The following FBXW11 variants were observed in gnomAD, a reference collection of about 807,000 sequenced individuals.
FBXW11 encodes the protein F-box and WD repeat domain containing 11.
FBXW11 carries 19 observed loss-of-function variants against 77.6 expected under a neutral mutation model. The ratio of observed to expected loss-of-function variants is 0.24; its 90% CI spans 0.17 to 0.36. The LOEUF is 0.36. FBXW11 is among the 10% of genes least tolerant of loss of function. The probability of loss-of-function intolerance (pLI) is 1.00; values close to 1 mark genes in which losing one functional copy is unlikely to be tolerated. For synonymous variants in FBXW11, 235 were observed against 249.4 expected (o/e 0.94, Z 0.54); for missense variants, 334 against 704.2 (o/e 0.47, Z 5.95).
chr5:171,944,164 A>G (rs1219261244), intron 2 of FBXW11, among the ~76,000 whole-genome samples: 3 of 152,170 alleles, frequency 2.0e-5, no homozygotes, highest in Non-Finnish European at 4.4e-5. Flanking sequence ...GAATACATTA[A>G]TACACTCATT....
chr5:171,884,108 T>C (rs1758718679), intron 7 of FBXW11, among the ~76,000 whole-genome samples: 1 of 152,230 alleles, frequency 6.6e-6, no homozygotes, highest in Admixed American at 6.5e-5. Flanking sequence ...ATGAAATCCT[T>C]GCCTAAGCCA....
At chr5:171,891,742 T>A in intron 6 of FBXW11, 138 bp from the exon 7 acceptor site, 1 of 750,848 alleles carries the variant, frequency 1.3e-6, no homozygotes, top group South Asian at 2.5e-5. Flanking sequence ...GTGGATAGGA[T>A]CATGCTCTTT....
chr5:171,919,698 A>T (rs970244844), intron 2 of FBXW11, among the ~76,000 whole-genome samples: 14 of 152,232 alleles, frequency 9.2e-5, no homozygotes, highest in African/African-American at 2.7e-4. Flanking sequence ...CATAGCTCAG[A>T]AATGTTACAC....
chr5:171,978,418 C>T (rs147619988), intron 1 of FBXW11, among the ~76,000 whole-genome samples: 304 of 152,184 alleles, frequency 2.0e-3, no homozygotes, highest in African/African-American at 3.3e-3. Flanking sequence ...AAAAACTGGA[C>T]GAGAAATAGG....
At chr5:171,925,949 T>C (rs1430967249) in intron 2 of FBXW11, among the ~76,000 whole-genome samples, 1 of 152,204 alleles carries the variant, frequency 6.6e-6, no homozygotes, top group Non-Finnish European at 1.5e-5. Context: ...GCCTAAACTA[T>C]TTTAAGTGGG....
chr5:171,896,015 C>T (rs1759718277), intron 6 of FBXW11, among the ~76,000 whole-genome samples: 2 of 152,192 alleles, frequency 1.3e-5, no homozygotes. Context: ...TCCCCAGACT[C>T]CATTTCTCAC....
intron 1 of FBXW11, among the ~76,000 whole-genome samples, chr5:171,966,127 T>G (rs941388919): frequency 1.3e-5 from 2 of 152,204 alleles, no homozygotes; most frequent in Non-Finnish European, 2.9e-5. Context: ...CTTTATGAAT[T>G]ACCCAGTCTC....
At chr5:171,979,871 C>T (rs2113482420) in intron 1 of FBXW11, among the ~76,000 whole-genome samples, 1 of 152,288 alleles carries the variant, frequency 6.6e-6, no homozygotes, top group Admixed American at 6.5e-5. Context: ...GACATGTCCA[C>T]CCTACTGCCG....
In FBXW11 at chr5:171,878,409, T is replaced by A. The variant is rs543726664; in HGVS notation, c.853-280A>T. On this transcript the variant is annotated intron_variant, in intron 7 of 13. Transcript: ENST00000517395. ...TAAAGGGGACTTCTTAAAAATAAAA[T>A]CTGTGAAAAGAATTCGCTCACTGAC... 3.3e-5 allele frequency among the ~76,000 whole-genome samples: 5 copies of A among 152,260 alleles called. No homozygotes were observed. The East Asian group carries it at 9.7e-4, about 29-fold the overall frequency.
At chr5:171,998,879 T>C (rs927931468) in intron 1 of FBXW11, among the ~76,000 whole-genome samples, 3 of 151,938 alleles carry the variant, frequency 2.0e-5, no homozygotes, top group Admixed American at 1.3e-4. Flanking sequence ...GCAAAGATTG[T>C]AACTGTGACA....
chr5:171,906,554 G>A (rs1190586047), intron 4 of FBXW11, among the ~76,000 whole-genome samples: 1 of 152,152 alleles, frequency 6.6e-6, no homozygotes, highest in Admixed American at 6.5e-5. Context: ...TGGAGAAGCA[G>A]GTGTTTCCTG....
intron 1 of FBXW11, among the ~76,000 whole-genome samples, chr5:171,963,967 G>A (rs1175214342): frequency 6.6e-6 from 1 of 152,114 alleles, no homozygotes; most frequent in East Asian, 1.9e-4. Context: ...CTTTAAGTGA[G>A]ACATCCAAAA....
intron 2 of FBXW11, among the ~76,000 whole-genome samples, chr5:171,920,514 C>T (rs1446922722): frequency 3.3e-5 from 5 of 151,272 alleles, no homozygotes; most frequent in Admixed American, 3.3e-4. Flanking sequence ...CTGCCTGAGG[C>T]GAGGAGTTTG....
At chr5:171,878,603 A>AGAGTGTGTGTGTGTGTGTGT (rs138423567) in intron 7 of FBXW11, among the ~76,000 whole-genome samples, 1 of 128,474 alleles carries the variant, frequency 7.8e-6, no homozygotes, top group Non-Finnish European at 1.6e-5. Flanking sequence ...AGAGAGAGAG[A>AGAGTGTGTGTGTGTGTGTGT]GTGTGTGTGT....
At chr5:171,964,947 A>C (rs1258080601) in intron 1 of FBXW11, among the ~76,000 whole-genome samples, 5 of 152,232 alleles carry the variant, frequency 3.3e-5, no homozygotes, top group African/African-American at 4.8e-5. Flanking sequence ...TTCTAGAATT[A>C]TGTTCTTGTC....
At chr5:171,884,625 G>A (rs1404991426) in intron 7 of FBXW11, among the ~76,000 whole-genome samples, 3 of 152,138 alleles carry the variant, frequency 2.0e-5, no homozygotes, top group Non-Finnish European at 4.4e-5. Flanking sequence ...GTATTAGGTC[G>A]TATTTTGACA....
rs937891396 is a variant in FBXW11 at position 171,972,895 on chromosome 5, T to C, written c.46-15197A>G. ...TTAGTGCCATGAAATGTGTCATCAT[T>C]GACTTTGGCAAACTAACAACCACCT... On this transcript the variant is annotated intron_variant, in intron 1 of 13. Transcript: ENST00000517395. 2.0e-5 allele frequency among the ~76,000 whole-genome samples: 3 copies of C among 152,348 alleles called. No homozygotes were observed. In the East Asian group the frequency reaches 5.8e-4, roughly 29 times the overall value.
chr5:171,900,264 T>C (rs946993595), intron 4 of FBXW11, among the ~76,000 whole-genome samples, 164 bp from the exon 5 acceptor site: 2 of 152,214 alleles, frequency 1.3e-5, no homozygotes, highest in South Asian at 2.1e-4. Context: ...CATAAACATA[T>C]ACACTTCTTT....
chr5:171,868,672 C>T lies in FBXW11; in HGVS notation c.1655G>A (p.Arg552His), dbSNP rs761604414. Residue 552 changes from arginine to histidine, a missense_variant, in exon 13 of 14, where the codon CGT (arginine) becomes CAT (histidine). Around this residue, in one of 10 missense-constraint regions of FBXW11, gnomAD observed 20 missense variants for 26.8 expected, o/e 0.75. Transcript: ENST00000517395. ...NVPPSAQNET[R>H]SPSRTYTYIS... ...GTAAGTGTATGTTCTGGAGGGAGAA[C>T]GGGTCTCATTCTGGGCACTGGGAGG... The T allele has an allele frequency of 8.7e-6, 14 of 1,613,524 alleles. No homozygotes were observed. The highest frequency in any genetic ancestry group is 2.7e-5 in the African/African-American group (2 of 74,852).
Sources: allele counts gnomAD v4.1 joint callset (sites outside exome capture counted in the v4.1 genomes callset), GRCh38; gene constraint gnomAD v4.1.1; regional missense constraint gnomAD v4.1.1; transcripts MANE v1.5; gene names NCBI Gene and HGNC (gene_info 2026-07-23, HGNC 2026-07-21).